The following NT5DC4 variants were observed in gnomAD, a reference collection of about 807,000 sequenced individuals.
NT5DC4 encodes 5'-nucleotidase domain containing 4.
In NT5DC4, 44 loss-of-function variants were observed where a neutral mutation model predicts 26.6. That is an observed-to-expected ratio of 1.65 (90% CI 1.30 to 2.13). The LOEUF (loss-of-function observed/expected upper bound fraction) is 2.13, where lower values mean the gene tolerates loss of function less well. NT5DC4 is among the 30% of genes most tolerant of loss of function. NT5DC4 has a pLI of 0.00. For synonymous variants in NT5DC4, 157 were observed against 86.7 expected (o/e 1.81, Z -4.51); for missense variants, 399 against 228.1 (o/e 1.75, Z -4.83).
chr2:112,732,173 C>A (rs1036031277), intron 16 of NT5DC4, among the ~76,000 whole-genome samples: 11 of 151,866 alleles, frequency 7.2e-5, no homozygotes, highest in Admixed American at 5.3e-4. Flanking sequence ...GGCCTCTTAA[C>A]GTGTAGGGAT....
chr2:112,741,132 G>A (rs963966908), downstream of NT5DC4: 20 of 683,416 alleles, frequency 2.9e-5, no homozygotes, highest in Middle Eastern at 1.6e-3. Context: ...TCCACATACT[G>A]AATAGTGATT....
rs768803059 is a variant in NT5DC4 at position 112,721,820 on chromosome 2, T to C, written c.77T>C (p.Ile26Thr). 4 of 717,226 alleles carry C rather than the reference T, an allele frequency of 5.6e-6. No individual in the cohort carries two copies. The highest frequency in any genetic ancestry group is 1.7e-5 in the African/African-American group (1 of 57,276). 44.4% of individuals were successfully genotyped at this position (717,226 alleles called of 1,614,324 possible). The change falls in exon 2 of 17, where the codon ATT (isoleucine) becomes ACT (threonine). Residue 26 changes from isoleucine to threonine, a missense_variant and splice_region_variant. Transcript: ENST00000688554. ...QGPKQDWHQRIFVNRSLALGK... is the reference protein window; with the variant it reads ...QGPKQDWHQRTFVNRSLALGK... ...AACATCCTCCTCTCTCTCCCCAGGA[T>C]TTTTGTCAACCGCAGCCTGGCGCTG...
chr2:112,735,869 C>T (rs144087783), intron 16 of NT5DC4, among the ~76,000 whole-genome samples: 77 of 152,224 alleles, frequency 5.1e-4, no homozygotes, highest in African/African-American at 1.8e-3. Flanking sequence ...TTATTAGACA[C>T]CAATAGTTCA....
Position 112,722,944 on chromosome 2 carries a change from C to T in NT5DC4, c.528-137C>T, listed in dbSNP as rs1174388940. 9.4e-6 allele frequency: 6 copies of T among 640,404 alleles called. No individual in the cohort carries two copies. In the Admixed American group the frequency reaches 1.3e-4, roughly 13 times the overall value. 39.7% of individuals were successfully genotyped at this position (640,404 alleles called of 1,614,324 possible). The stretch of plus-strand genomic sequence containing the variant: ...CACACCCTTAGCTCTGGGTGATGCC[C>T]CTCCCAGGATGTCTGGGACATAAGC... On this transcript the variant is annotated intron_variant, in intron 6 of 16. Coordinates refer to ENST00000688554, the MANE Select transcript of NT5DC4 (RefSeq NM_001393655.1).
intron 4 of NT5DC4, 90 bp downstream of exon 4, chr2:112,722,368 C>T (rs561621348): frequency 2.8e-5 from 20 of 711,440 alleles, no homozygotes; most frequent in Middle Eastern, 2.5e-4. Flanking sequence ...GGAGGAAGGA[C>T]GCAGGCCCAC....
chr2:112,722,263 T>G lies in NT5DC4; in HGVS notation c.347T>G (p.Phe116Cys). Reference sequence around the variant, plus strand: ...AATGTGCTGCTGGGTGCCTATGGCTTCACCTTCCTCTCGGAGTAAGGGACA... The same window carrying G: ...AATGTGCTGCTGGGTGCCTATGGCTGCACCTTCCTCTCGGAGTAAGGGACA... ...HGNVLLGAYGFTFLSDLPLLR... is the reference protein window; with the variant it reads ...HGNVLLGAYGCTFLSDLPLLR... The change falls in exon 4 of 17, where the codon TTC becomes TGC. Residue 116 changes from phenylalanine to cysteine, a missense_variant. Physicochemically the swap from Phe to Cys is radical, Grantham distance 205. Transcript: ENST00000688554. 1.4e-6 allele frequency: 1 copy of G among 717,026 alleles called. No homozygotes were observed. Among genetic ancestry groups the G allele is most frequent in the Non-Finnish European group, 2.6e-6 (1 of 385,082 alleles). The allele number at this position is 717,026 out of a possible 1,614,324, so 44.4% of individuals were successfully genotyped here.
downstream of NT5DC4, chr2:112,742,826 C>T: frequency 2.4e-6 from 3 of 1,256,018 alleles, no homozygotes; most frequent in Non-Finnish European, 3.4e-6. Flanking sequence ...AAAAAATTTG[C>T]TAAGGAACTT....
rs200622742 is a variant in NT5DC4, at chr2:112,722,761, C to T, written c.517C>T (p.Arg173Cys). The T allele has an allele frequency of 3.8e-5, 27 of 717,496 alleles. No individual in the cohort carries two copies. The highest frequency in any genetic ancestry group is 7.0e-5 in the African/African-American group (4 of 57,232). The allele number at this position is 717,496 out of a possible 1,614,324, so 44.4% of individuals were successfully genotyped here. Residue 173 changes from arginine to cysteine, a missense_variant, in exon 6 of 17, where the codon CGT becomes TGT. Arg to Cys is a radical substitution (Grantham distance 180, BLOSUM62 -3). Transcript: ENST00000688554. ...CLVDFFSGCS[R>C]YTNCDTGYQH... ...GGTGGACTTCTTCTCTGGCTGCTCC[C>T]GTTACACTAAGTGCGTCTTGTGCCC...
downstream of NT5DC4, among the ~76,000 whole-genome samples, chr2:112,742,188 T>C (rs561708133): frequency 2.6e-5 from 4 of 152,334 alleles, no homozygotes; most frequent in African/African-American, 9.6e-5. Context: ...TTTCCATTCA[T>C]ATAACAAGTA....
chr2:112,725,649 TTG>T (rs1677609110), intron 13 of NT5DC4, 97 bp downstream of exon 13: 1 of 577,492 alleles, frequency 1.7e-6, no homozygotes, highest in African/African-American at 1.9e-5. Context: ...GGGTTAGTAG[TTG>T]TGACCAGGAA....
downstream of NT5DC4, chr2:112,739,106 T>A: frequency 1.5e-6 from 2 of 1,305,984 alleles, no homozygotes; most frequent in Non-Finnish European, 2.2e-6. Context: ...TTATCTTTAT[T>A]ATTTTTTGTT....
At chr2:112,729,591 G>A (rs911615900) in intron 15 of NT5DC4, 36 bp from the exon 16 acceptor site, 10 of 717,320 alleles carry the variant, frequency 1.4e-5, no homozygotes, top group African/African-American at 1.7e-5. Flanking sequence ...TACCCGGGAC[G>A]GAGTGCTTCA....
chr2:112,735,807 T>C (rs1183336513), intron 16 of NT5DC4, among the ~76,000 whole-genome samples: 2 of 152,210 alleles, frequency 1.3e-5, no homozygotes, highest in African/African-American at 2.4e-5. Context: ...CAAGACTCTA[T>C]AGTCTGACGA....
At chr2:112,724,452 C>G (rs1283675287) in intron 10 of NT5DC4, 8 of 570,274 alleles carry the variant, frequency 1.4e-5, no homozygotes, top group Non-Finnish European at 2.2e-5. Context: ...CTGGGAGTGA[C>G]CAGGTGTCAC....
chr2:112,723,901 A>G, intron 9 of NT5DC4, 99 bp downstream of exon 9: 2 of 696,696 alleles, frequency 2.9e-6, no homozygotes, highest in East Asian at 2.7e-5. Context: ...GCGGGGAGCC[A>G]AGACCCTCCT....
chr2:112,719,924 C>CTCTTTCTTTCTTTCTTTTTTTCTT (rs1676693893), upstream of NT5DC4, among the ~76,000 whole-genome samples: 7 of 69,122 alleles, frequency 1.0e-4, no homozygotes, highest in African/African-American at 3.9e-4. Context: ...TTCTTTCTTT[C>CTCTTTCTTTCTTTCTTTTTTTCTT]TCTTTCTTTC....
chr2:112,742,626 T>C (rs1680048628), downstream of NT5DC4: 1 of 980,534 alleles, frequency 1.0e-6, no homozygotes, highest in Non-Finnish European at 1.6e-6. Flanking sequence ...ATGATTCTTT[T>C]CTTCTTTTTC....
chr2:112,724,010 C>T (rs1677338075), intron 9 of NT5DC4, 84 bp from the exon 10 acceptor site: 1 of 713,298 alleles, frequency 1.4e-6, no homozygotes, highest in African/African-American at 1.7e-5. Flanking sequence ...CTGTGGCCAC[C>T]AGTGTGCTGG....
At chr2:112,719,953 T>G (rs1261175994), upstream of NT5DC4, among the ~76,000 whole-genome samples, 1 of 123,762 alleles carries the variant, frequency 8.1e-6, no homozygotes, top group Non-Finnish European at 1.7e-5. Context: ...TTTCTTTCTT[T>G]CTTTCTTTCT....
Sources: gnomAD v4.1 joint callset for allele counts (sites outside exome capture counted in the v4.1 genomes callset) on GRCh38, gnomAD v4.1.1 for gene constraint, MANE v1.5 for transcripts, NCBI Gene and HGNC (gene_info 2026-07-23, HGNC 2026-07-21) for gene names.